NEO1: variants seen among roughly 807,000 people sequenced by gnomAD.
The protein encoded by NEO1 is neogenin.
NEO1 carries 63 observed loss-of-function variants against 159.7 expected under a neutral mutation model. The observed-to-expected ratio is 0.39, with a 90% CI of 0.32 to 0.49. The LOEUF (loss-of-function observed/expected upper bound fraction) is 0.49. Among genes scored for constraint, NEO1 ranks in the 20% least tolerant of loss-of-function variants. NEO1 has a pLI of 0.85. For missense variants in NEO1, 1,615 were observed against 1,831.0 expected (o/e 0.88, Z 2.15); for synonymous variants, 633 against 662.0 (o/e 0.96, Z 0.67).
At chr15:73,195,989 T>C (rs961224860) in intron 7 of NEO1, among the ~76,000 whole-genome samples, 2 of 152,336 alleles carry the variant, frequency 1.3e-5, no homozygotes, top group African/African-American at 4.8e-5. Context: ...GTCATGTAAA[T>C]CACTAAGCTC....
intron 1 of NEO1, among the ~76,000 whole-genome samples, chr15:73,093,212 A>G (rs761709748): frequency 4.6e-5 from 7 of 152,246 alleles, no homozygotes; most frequent in Non-Finnish European, 7.3e-5. Flanking sequence ...GATACATAAT[A>G]TCAACATGAT....
rs377510140 is a variant in NEO1, at chr15:73,278,178, G to T, written c.3241G>T (p.Asp1081Tyr). The change falls in exon 22 of 29, where the codon GAC (aspartate) becomes TAC (tyrosine). Residue 1081 changes from aspartate (D) to tyrosine (Y), a missense_variant. Coordinates refer to ENST00000261908, the MANE Select transcript of NEO1 (RefSeq NM_002499.4). ...AAGCCGGCTGCCAGACCTAGGATCC[G>T]ACTACAAACCTCCAATGAGCGGTAA... ...KGSRLPDLGSDYKPPMSGSNS... is the reference protein window; with the variant it reads ...KGSRLPDLGSYYKPPMSGSNS... 20 of 1,612,998 alleles carry T rather than the reference G, an allele frequency of 1.2e-5. No homozygotes were observed. The highest frequency in any genetic ancestry group is 1.7e-5 in the Non-Finnish European group (20 of 1,179,166).
At chr15:73,231,594 C>T (rs1245413411) in intron 7 of NEO1, among the ~76,000 whole-genome samples, 3 of 152,082 alleles carry the variant, frequency 2.0e-5, no homozygotes, top group African/African-American at 4.8e-5. Flanking sequence ...ATTAGCCAGG[C>T]GTGGATGTGC....
At chr15:73,295,932 C>G (rs2042347505) in intron 26 of NEO1, among the ~76,000 whole-genome samples, 1 of 152,168 alleles carries the variant, frequency 6.6e-6, no homozygotes, top group Non-Finnish European at 1.5e-5. Context: ...GAAGTAGCCC[C>G]CTTGCCAAAG....
At chr15:73,243,569 A>G (rs1406941026) in intron 8 of NEO1, among the ~76,000 whole-genome samples, 1 of 152,236 alleles carries the variant, frequency 6.6e-6, no homozygotes, top group Non-Finnish European at 1.5e-5. Flanking sequence ...AGTACAGTAG[A>G]CTGAGCATGT....
intron 7 of NEO1, among the ~76,000 whole-genome samples, chr15:73,235,547 C>T (rs1033279089): frequency 2.6e-5 from 4 of 152,196 alleles, no homozygotes; most frequent in Non-Finnish European, 5.9e-5. Flanking sequence ...TTGAGGTCTG[C>T]AAGCTGTTTC....
At chr15:73,284,843 T>C (rs1262845129) in intron 23 of NEO1, among the ~76,000 whole-genome samples, 6 of 151,992 alleles carry the variant, frequency 3.9e-5, no homozygotes, top group Non-Finnish European at 8.8e-5. Flanking sequence ...CCGCCTCGGC[T>C]TCCCAAAGTG....
intron 1 of NEO1, among the ~76,000 whole-genome samples, chr15:73,097,543 T>C (rs1242703452): frequency 6.6e-6 from 1 of 151,864 alleles, no homozygotes; most frequent in Non-Finnish European, 1.5e-5. Context: ...GTATTTTTAG[T>C]AGAGACAGGG....
chr15:73,157,709 A>G lies in NEO1; in HGVS notation c.1016-18694A>G, dbSNP rs182086000. Among the ~76,000 whole-genome samples the G allele has an allele frequency of 1.7e-3, 266 of 152,350 alleles. 1 individual carries two copies. Among genetic ancestry groups the G allele is most frequent in the African/African-American group, 6.1e-3 (252 of 41,582 alleles). ...TAATATATTTAAAGTGTGATTGTCTACACACAATTTTTGTTCTTCTAAGTG... is the reference window on the plus strand; with the variant it reads ...TAATATATTTAAAGTGTGATTGTCTGCACACAATTTTTGTTCTTCTAAGTG... On this transcript the variant is annotated intron_variant, in intron 5 of 28. Coordinates refer to ENST00000261908, the MANE Select transcript of NEO1 (RefSeq NM_002499.4).
intron 5 of NEO1, among the ~76,000 whole-genome samples, chr15:73,174,124 A>G (rs1205029665): frequency 2.0e-5 from 3 of 152,014 alleles, no homozygotes; most frequent in Non-Finnish European, 2.9e-5. Context: ...ATTATTAACT[A>G]TTAAAATCTA....
In NEO1 at chr15:73,187,159, A is replaced by G. The variant is rs546232675; in HGVS notation, c.1291+8732A>G. 2.0e-5 allele frequency among the ~76,000 whole-genome samples: 3 copies of G among 152,326 alleles called. No individual in the cohort carries two copies. The East Asian group carries it at 5.8e-4, about 29-fold the overall frequency. ...ATTTTTAAACAAGACTCATGAAGAT[A>G]ACAACTATTACAAAATATTTCCTTT... On this transcript the variant is annotated intron_variant, in intron 7 of 28. Coordinates refer to ENST00000261908, the MANE Select transcript of NEO1 (RefSeq NM_002499.4).
chr15:73,248,946 T>A, intron 9 of NEO1, 114 bp from the exon 10 acceptor site: 1 of 975,128 alleles, frequency 1.0e-6, no homozygotes, highest in South Asian at 2.0e-5. Flanking sequence ...ATCCATTGTT[T>A]TCTTAGCTTC....
chr15:73,171,640 T>TG (rs1567379243), intron 5 of NEO1, among the ~76,000 whole-genome samples: 17 of 147,900 alleles, frequency 1.1e-4, no homozygotes, highest in South Asian at 4.2e-4. Flanking sequence ...TTATTATTAT[T>TG]ATTATTATTA....
chr15:73,172,776 G>A (rs1036214524), intron 5 of NEO1, among the ~76,000 whole-genome samples: 3 of 152,230 alleles, frequency 2.0e-5, no homozygotes, highest in Non-Finnish European at 2.9e-5. Context: ...GTTAGTTTTT[G>A]TAGGGAAACT....
intron 8 of NEO1, among the ~76,000 whole-genome samples, chr15:73,237,565 A>C (rs1176568924): frequency 6.6e-6 from 1 of 152,206 alleles, no homozygotes; most frequent in Non-Finnish European, 1.5e-5. Flanking sequence ...GTTGATGTAC[A>C]TTGTAGTTAA....
Position 73,293,378 on chromosome 15 carries a change from G to A in NEO1, c.3743-12G>A, listed in dbSNP as rs1467051299. ...CATGTTAAGCATTTCTCTGTCTTGT[G>A]TTCATTCACAGCTGTGATTAGTGCC... On this transcript the variant is annotated splice_polypyrimidine_tract_variant and intron_variant, in intron 25 of 28. Coordinates refer to ENST00000261908, the MANE Select transcript of NEO1 (RefSeq NM_002499.4). 1 of 1,614,014 alleles carries A rather than the reference G, an allele frequency of 6.2e-7. No homozygotes were observed.
chr15:73,222,383 T>C (rs1009216439), intron 7 of NEO1, among the ~76,000 whole-genome samples: 1 of 151,918 alleles, frequency 6.6e-6, no homozygotes, highest in Non-Finnish European at 1.5e-5. Flanking sequence ...GGATTACAGG[T>C]GTGAGCCACC....
intron 27 of NEO1, among the ~76,000 whole-genome samples, chr15:73,299,490 A>G (rs2042521055): frequency 6.6e-6 from 1 of 151,644 alleles, no homozygotes; most frequent in South Asian, 2.1e-4. Context: ...GGTTCACGCC[A>G]TTCTCCTGCC....
intron 1 of NEO1, among the ~76,000 whole-genome samples, chr15:73,073,856 T>G (rs1363559246): frequency 6.6e-6 from 1 of 152,134 alleles, no homozygotes; most frequent in Non-Finnish European, 1.5e-5. Flanking sequence ...TAGTATTGTT[T>G]TCAGTGCCTT....
Sources: gnomAD v4.1 joint callset for allele counts (sites outside exome capture counted in the v4.1 genomes callset) on GRCh38, gnomAD v4.1.1 for gene constraint, MANE v1.5 for transcripts, NCBI Gene and HGNC (gene_info 2026-07-23, HGNC 2026-07-21) for gene names.